Variants in SFTPA1 observed in about 807,000 individuals in gnomAD.
SFTPA1 encodes surfactant protein A1.
In SFTPA1, 13 loss-of-function variants were observed where a neutral mutation model predicts 19.1. The observed-to-expected ratio is 0.68, with a 90% CI of 0.44 to 1.08. The LOEUF is 1.08. Among genes scored for constraint, SFTPA1 ranks in the 50% least tolerant of loss-of-function variants. SFTPA1 has a pLI of 0.00. For missense variants in SFTPA1, 259 were observed against 316.4 expected, an observed-to-expected ratio of 0.82 and a Z score of 1.38; for synonymous variants, 101 against 117.0, an observed-to-expected ratio of 0.86 and a Z score of 0.88.
chr10:79,613,942 TC>T lies in SFTPA1; in HGVS notation c.579del (p.Ser194AlafsTer13), dbSNP rs770315859. 1 of 1,613,830 alleles carries T rather than the reference TC, an allele frequency of 6.2e-7. No homozygotes were observed. The highest frequency in any genetic ancestry group is 8.5e-7 in the Non-Finnish European group (1 of 1,179,936). ...ATGCCTATGTAGGCCTGACTGAGGG[TC>T]CCAGCCCTGGAGACTTCCGCTACTC... is the stretch of plus-strand genomic sequence containing the variant. ...TYAYVGLTEG[P>X]SPGDFRYSDG... On this transcript the variant is annotated frameshift_variant, in exon 6 of 6. Coordinates refer to ENST00000398636, the MANE Select transcript of SFTPA1 (RefSeq NM_005411.5). LOFTEE classifies it high-confidence loss of function.
rs1027007060 is a variant in SFTPA1, at chr10:79,613,952, G to A, written c.586G>A (p.Gly196Arg). The change falls in exon 6 of 6, where the codon GGA becomes AGA. Residue 196 changes from glycine to arginine, a missense_variant. Transcript: ENST00000398636. ...YVGLTEGPSP[G>R]DFRYSDGTPV... The stretch of plus-strand genomic sequence containing the variant: ...AGGCCTGACTGAGGGTCCCAGCCCT[G>A]GAGACTTCCGCTACTCAGACGGGAC... 6.2e-7 allele frequency: 1 copy of A among 1,614,152 alleles called. No individual in the cohort carries two copies. Among genetic ancestry groups the A allele is most frequent in the Non-Finnish European group, 8.5e-7 (1 of 1,179,990 alleles).
intron 3 of SFTPA1, 67 bp from the exon 4 acceptor site, chr10:79,612,245 G>C (rs562710332): frequency 6.2e-7 from 1 of 1,613,056 alleles, no homozygotes; most frequent in African/African-American, 1.3e-5. Flanking sequence ...AATGGGCATC[G>C]AGTCTCACTA....
chr10:79,613,227 C>G lies in SFTPA1; in HGVS notation c.331C>G (p.Leu111Val), dbSNP rs757950486. Residue 111 changes from leucine (L) to valine (V), a missense_variant, in exon 5 of 6, where the codon CTC (leucine) becomes GTC (valine). Transcript: ENST00000398636. ...AHLDEELQAT[L>V]HDFRHQILQT... ...TCTAGATGAGGAGCTCCAAGCCACA[C>G]TCCACGACTTTAGACATCAAATCCT... The G allele has an allele frequency of 4.3e-6, 7 of 1,613,964 alleles. No individual in the cohort carries two copies. Among genetic ancestry groups the G allele is most frequent in the East Asian group, 2.2e-5 (1 of 44,868 alleles).
At position 79,614,898 on chromosome 10, in the gene SFTPA1, C is replaced by G; in HGVS notation, c.*785C>G. The G allele has an allele frequency of 1.0e-5, 10 of 976,666 alleles. No homozygotes were observed. The highest frequency in any genetic ancestry group is 1.4e-5 in the Non-Finnish European group (10 of 712,396). 60.5% of individuals were successfully genotyped at this position (976,666 alleles called of 1,614,324 possible). Reference sequence around the variant, plus strand: ...CAGATTTCAGTGGGCATTCACACCACCCCCCACACCACTGGCTCTGCTTTC... The same window carrying G: ...CAGATTTCAGTGGGCATTCACACCAGCCCCCACACCACTGGCTCTGCTTTC... On this transcript the variant is annotated 3_prime_UTR_variant, in exon 6 of 6. Transcript: ENST00000398636.
intron 5 of SFTPA1, 85 bp downstream of exon 5, chr10:79,613,351 T>C: frequency 1.3e-6 from 2 of 1,588,978 alleles, no homozygotes; most frequent in East Asian, 2.2e-5. Flanking sequence ...AACATAGAGA[T>C]TACAAATAGG....
At position 79,613,980 on chromosome 10, in the gene SFTPA1, C is replaced by G. The variant is rs1241277427; in HGVS notation, c.614C>G (p.Pro205Arg). Residue 205 changes from proline (P) to arginine (R), a missense_variant, in exon 6 of 6, where the codon CCT (proline) becomes CGT (arginine). Coordinates refer to ENST00000398636, the MANE Select transcript of SFTPA1 (RefSeq NM_005411.5). ...PGDFRYSDGT[P>R]VNYTNWYRGE... ...GACTTCCGCTACTCAGACGGGACCC[C>G]TGTAAACTACACCAACTGGTACCGA... is the stretch of plus-strand genomic sequence containing the variant. 1 of 1,614,234 alleles carries G rather than the reference C, an allele frequency of 6.2e-7. No individual in the cohort carries two copies. Among genetic ancestry groups the G allele is most frequent in the Admixed American group, 1.7e-5 (1 of 60,032 alleles).
Position 79,615,011 on chromosome 10 carries a change from C to G in SFTPA1, c.*898C>G. 7.7e-7 allele frequency: 1 copy of G among 1,305,254 alleles called. No individual in the cohort carries two copies. The highest frequency in any genetic ancestry group is 1.2e-5 in the South Asian group (1 of 81,010). 80.9% of individuals were successfully genotyped at this position (1,305,254 alleles called of 1,614,324 possible). ...TATGTCGTGGGGTGGGCAAGGTAAT[C>G]AGTGACAGTTGAAGATTTTTTTTTC... On this transcript the variant is annotated 3_prime_UTR_variant, in exon 6 of 6. Transcript: ENST00000398636.
chr10:79,612,173 G>A, intron 3 of SFTPA1, 139 bp from the exon 4 acceptor site: 3 of 1,598,322 alleles, frequency 1.9e-6, no homozygotes, highest in Non-Finnish European at 2.6e-6. Context: ...GCGCATCCTG[G>A]AGAGTCTGTC....
At position 79,615,243 on chromosome 10, in the gene SFTPA1, G is replaced by A. The variant is rs1467764010; in HGVS notation, c.*1130G>A. On this transcript the variant is annotated 3_prime_UTR_variant, in exon 6 of 6. Transcript: ENST00000398636. ...CTATTCAATCTTTACACAATGTCAC[G>A]GGACCAGTATTGTTTCCTCATTTTT... 1.2e-5 allele frequency: 5 copies of A among 415,344 alleles called. No homozygotes were observed. The highest frequency in any genetic ancestry group is 5.1e-5 in the South Asian group (2 of 39,202). The allele number at this position is 415,344 out of a possible 1,614,324, so 25.7% of individuals were successfully genotyped here.
rs768187876 is a variant in SFTPA1, at chr10:79,613,973, G to A, written c.607G>A (p.Gly203Arg). ...CCCTGGAGACTTCCGCTACTCAGAC[G>A]GGACCCCTGTAAACTACACCAACTG... ...PSPGDFRYSD[G>R]TPVNYTNWYR... The change falls in exon 6 of 6, where the codon GGG becomes AGG. Residue 203 changes from glycine (G) to arginine (R), a missense_variant. By Grantham distance (125) the Gly-to-Arg change is moderately radical. Coordinates refer to ENST00000398636, the MANE Select transcript of SFTPA1 (RefSeq NM_005411.5). 9.3e-6 allele frequency: 15 copies of A among 1,614,090 alleles called. No homozygotes were observed. The South Asian group carries it at 1.2e-4, about 13-fold the overall frequency.
rs1059084 is a variant in SFTPA1, at chr10:79,614,571, C to T, written c.*458C>T. On this transcript the variant is annotated 3_prime_UTR_variant, in exon 6 of 6. Transcript: ENST00000398636. ...AAGCATAATGACAGAGAGAGGCAGA[C>T]TTCGGGGAAGCCCTGACTGTGCAGA... 0.057 allele frequency: 12,076 copies of T among 213,132 alleles called. 481 individuals are homozygous for T. The highest frequency in any genetic ancestry group is 0.086 in the East Asian group (823 of 9,600). 13.2% of individuals were successfully genotyped at this position (213,132 alleles called of 1,614,324 possible). A position where few individuals can be genotyped will look rare whatever the true frequency, so the allele number is the denominator to read the frequency against.
At chr10:79,612,220 G>T in intron 3 of SFTPA1, 92 bp from the exon 4 acceptor site, 2 of 1,611,202 alleles carry the variant, frequency 1.2e-6, no homozygotes, top group Non-Finnish European at 1.7e-6. Flanking sequence ...TGATAGCTGA[G>T]CCAGCCCTGG....
Position 79,614,894 on chromosome 10 carries a change from A to T in SFTPA1, c.*781A>T. The T allele has an allele frequency of 1.1e-6, 1 of 949,520 alleles. No homozygotes were observed. 58.8% of individuals were successfully genotyped at this position (949,520 alleles called of 1,614,324 possible). Reference sequence around the variant, plus strand: ...ACTTCAGATTTCAGTGGGCATTCACACCACCCCCCACACCACTGGCTCTGC... The same window carrying T: ...ACTTCAGATTTCAGTGGGCATTCACTCCACCCCCCACACCACTGGCTCTGC... On this transcript the variant is annotated 3_prime_UTR_variant, in exon 6 of 6. Transcript: ENST00000398636.
intron 4 of SFTPA1, 125 bp downstream of exon 4, chr10:79,612,556 G>C: frequency 1.4e-6 from 2 of 1,455,900 alleles, no homozygotes; most frequent in East Asian, 4.8e-5. Flanking sequence ...CTCAACCTAA[G>C]TAAGAGAGGA....
At position 79,614,725 on chromosome 10, in the gene SFTPA1, T is replaced by G. The variant is rs1860069337; in HGVS notation, c.*612T>G. 1 of 315,602 alleles carries G rather than the reference T, an allele frequency of 3.2e-6. No individual in the cohort carries two copies. Among genetic ancestry groups the G allele is most frequent in the Admixed American group, 4.6e-5 (1 of 21,524 alleles). The allele number at this position is 315,602 out of a possible 1,614,324, so 19.6% of individuals were successfully genotyped here. A position where few individuals can be genotyped will look rare whatever the true frequency, so the allele number is the denominator to read the frequency against. On this transcript the variant is annotated 3_prime_UTR_variant, in exon 6 of 6. Transcript: ENST00000398636. ...GTGGCCAAGCCAACCCCATGATTGA[T>G]GTGTACGATTCACTCCTTTGAGTCT...
At chr10:79,612,152 C>T (rs1292503941) in intron 3 of SFTPA1, among the ~76,000 whole-genome samples, 155 bp downstream of exon 3, 1 of 152,146 alleles carries the variant, frequency 6.6e-6, no homozygotes, top group Non-Finnish European at 1.5e-5. Context: ...GTTCCTGGGG[C>T]CCTTATGATG....
rs1160807920 is a variant in SFTPA1 at position 79,614,091 on chromosome 10, G to T, written c.725G>T (p.Arg242Leu). ...QWNDRNCLYS[R>L]LTICEF ...AATGACAGGAACTGCCTGTACTCCC[G>T]ACTGACCATCTGTGAGTTCTGAGAG... is the stretch of plus-strand genomic sequence containing the variant. The change falls in exon 6 of 6, where the codon CGA becomes CTA. Residue 242 changes from arginine to leucine, a missense_variant. Coordinates refer to ENST00000398636, the MANE Select transcript of SFTPA1 (RefSeq NM_005411.5). The T allele has an allele frequency of 3.1e-6, 5 of 1,614,068 alleles. No individual in the cohort carries two copies. The East Asian group carries it at 1.1e-4, about 36-fold the overall frequency.
intron 5 of SFTPA1, 49 bp downstream of exon 5, chr10:79,613,315 C>T: frequency 1.9e-6 from 3 of 1,611,108 alleles, no homozygotes; most frequent in Non-Finnish European, 2.5e-6. Flanking sequence ...CCACAAATTC[C>T]CCTCATTCTC....
In SFTPA1 at chr10:79,615,066, G is replaced by A. The variant is rs368151436; in HGVS notation, c.*953G>A. On this transcript the variant is annotated 3_prime_UTR_variant, in exon 6 of 6. Transcript: ENST00000398636. Reference sequence around the variant, plus strand: ...AGCTTATGTCTTCATCTGTGAAATGGGAATAAGATACTTGTTGCTGTCACA... The same window carrying A: ...AGCTTATGTCTTCATCTGTGAAATGAGAATAAGATACTTGTTGCTGTCACA... 1.6e-4 allele frequency: 203 copies of A among 1,305,060 alleles called. No individual in the cohort carries two copies. Among genetic ancestry groups the A allele is most frequent in the Non-Finnish European group, 1.6e-4 (159 of 988,914 alleles). 80.8% of individuals were successfully genotyped at this position (1,305,060 alleles called of 1,614,324 possible).
Sources: gnomAD v4.1 joint callset for allele counts (sites outside exome capture counted in the v4.1 genomes callset) on GRCh38, gnomAD v4.1.1 for gene constraint, MANE v1.5 for transcripts, NCBI Gene and HGNC (gene_info 2026-07-23, HGNC 2026-07-21) for gene names.